The following SAMD12 variants were observed in gnomAD, a reference collection of about 807,000 sequenced individuals.
SAMD12 encodes the protein sterile alpha motif domain-containing protein 12.
SAMD12 carries 9 observed loss-of-function variants against 15.0 expected under a neutral mutation model. That is an observed-to-expected ratio of 0.60 (90% CI 0.36 to 1.05). The LOEUF (loss-of-function observed/expected upper bound fraction) is 1.05, where lower values mean the gene tolerates loss of function less well. Ranked by LOEUF, SAMD12 falls within the 50% of genes least tolerant of loss-of-function variation. The probability of loss-of-function intolerance (pLI) is 0.01; values close to 1 mark genes in which losing one functional copy is unlikely to be tolerated. For missense variants in SAMD12, 230 were observed against 234.2 expected (o/e 0.98, Z 0.12); for synonymous variants, 86 against 90.1 (o/e 0.96, Z 0.25).
chr8:118,163,837 T>C, the SAMD12 span, among the ~76,000 whole-genome samples: 1 of 151,416 alleles, frequency 6.6e-6, no homozygotes, highest in Non-Finnish European at 1.5e-5. Context: ...ATCGCGCCAC[T>C]GCCCTCCAGC....
At chr8:118,485,118 T>G (rs1824240587) in intron 2 of SAMD12, among the ~76,000 whole-genome samples, 2 of 152,192 alleles carry the variant, frequency 1.3e-5, no homozygotes, top group African/African-American at 4.8e-5. Flanking sequence ...TAGCATAAAT[T>G]TTATTATACA....
At chr8:118,351,802 TGAA>T (rs1383881036) in intron 4 of SAMD12, among the ~76,000 whole-genome samples, 2 of 152,110 alleles carry the variant, frequency 1.3e-5, no homozygotes, top group Non-Finnish European at 2.9e-5. Context: ...GTCTAAAAAA[TGAA>T]GAAGTAGACT....
chr8:118,562,518 C>G (rs939805368), intron 2 of SAMD12, among the ~76,000 whole-genome samples: 1 of 151,942 alleles, frequency 6.6e-6, no homozygotes, highest in Non-Finnish European at 1.5e-5. Context: ...AGTGCACTTC[C>G]AAAAACAAAC....
intron 4 of SAMD12, among the ~76,000 whole-genome samples, chr8:118,229,288 AAAT>A (rs1812254903): frequency 6.6e-6 from 1 of 151,908 alleles, no homozygotes; most frequent in African/African-American, 2.4e-5. Context: ...TGTAAAAATA[AAAT>A]AATAAAAATT....
intron 2 of SAMD12, among the ~76,000 whole-genome samples, chr8:118,479,546 C>T (rs892030566): frequency 9.2e-5 from 14 of 152,134 alleles, no homozygotes; most frequent in African/African-American, 2.7e-4. Context: ...TATCTCCCAC[C>T]GGGTCCCTCC....
intron 2 of SAMD12, among the ~76,000 whole-genome samples, chr8:118,572,118 G>T (rs1827027962): frequency 6.6e-6 from 1 of 152,240 alleles, no homozygotes; most frequent in Non-Finnish European, 1.5e-5. Context: ...GAGATATGGA[G>T]TCAAAGGAGA....
rs961677496 is a variant in SAMD12 at position 118,379,018 on chromosome 8, A to G, written c.*399T>C. The G allele has an allele frequency of 1.1e-5, 11 of 1,002,544 alleles. No individual in the cohort carries two copies. The African/African-American group carries it at 1.9e-4, about 17-fold the overall frequency. The allele number at this position is 1,002,544 out of a possible 1,614,324, so 62.1% of individuals were successfully genotyped here. ...CTTACAATCTCTAAAGTGTGTGTGT[A>G]TAATACATTCATGTATAGTAATACA... On this transcript the variant is annotated 3_prime_UTR_variant, in exon 4 of 4. Transcript: ENST00000314727.
intron 2 of SAMD12, among the ~76,000 whole-genome samples, chr8:118,469,556 A>AATATATAATATATATTATATATATT (rs1563879384): frequency 3.6e-4 from 1 of 2,802 alleles, no homozygotes; most frequent in East Asian, 6.8e-3. Flanking sequence ...TATTATATAT[A>AATATATAATATATATTATATATATT]ATATATTATA....
At chr8:118,207,745 A>C (rs1819902462) in intron 4 of SAMD12, among the ~76,000 whole-genome samples, 1 of 151,870 alleles carries the variant, frequency 6.6e-6, no homozygotes, top group Non-Finnish European at 1.5e-5. Flanking sequence ...TTTGCTTTAA[A>C]CTTATTTTAA....
At chr8:118,354,360 T>A (rs773783927) in intron 4 of SAMD12, among the ~76,000 whole-genome samples, 45 of 152,218 alleles carry the variant, frequency 3.0e-4, no homozygotes, top group Non-Finnish European at 2.9e-4. Flanking sequence ...TCTCTCATCT[T>A]GTTTCCCTCA....
chr8:118,217,357 T>C (rs1331222876), intron 4 of SAMD12, among the ~76,000 whole-genome samples: 2 of 152,120 alleles, frequency 1.3e-5, no homozygotes, highest in Non-Finnish European at 2.9e-5. Flanking sequence ...TTTTACCAGA[T>C]CAGTATCCCT....
At chr8:118,525,508 C>T (rs1341247851) in intron 2 of SAMD12, among the ~76,000 whole-genome samples, 1 of 152,176 alleles carries the variant, frequency 6.6e-6, no homozygotes, top group East Asian at 1.9e-4. Flanking sequence ...GTGTCTGGCC[C>T]ATCATAGAAG....
intron 2 of SAMD12, among the ~76,000 whole-genome samples, chr8:118,512,270 C>G (rs912716730): frequency 2.0e-5 from 3 of 152,066 alleles, no homozygotes; most frequent in African/African-American, 7.2e-5. Flanking sequence ...AGAGATAGCA[C>G]CAGAAAGTAA....
intron 2 of SAMD12, among the ~76,000 whole-genome samples, chr8:118,492,814 T>A (rs1008448684): frequency 2.6e-5 from 4 of 152,210 alleles, no homozygotes; most frequent in Non-Finnish European, 4.4e-5. Flanking sequence ...ATATAAACCA[T>A]ATATGAAAGC....
At chr8:118,306,923 C>T (rs10481066) in intron 4 of SAMD12, among the ~76,000 whole-genome samples, 3,854 of 152,250 alleles carry the variant, frequency 0.025, 65 homozygotes, top group Middle Eastern at 0.041. Flanking sequence ...AAGCTTTATT[C>T]CTTTTAAGAG....
At chr8:118,391,242 GAAGTC>G (rs971733552) in intron 3 of SAMD12, among the ~76,000 whole-genome samples, 2 of 152,202 alleles carry the variant, frequency 1.3e-5, no homozygotes, top group African/African-American at 4.8e-5. Flanking sequence ...TTCAAGCAAA[GAAGTC>G]TAGTACCAAC....
intron 2 of SAMD12, among the ~76,000 whole-genome samples, chr8:118,579,451 T>A (rs1827230089): frequency 1.3e-5 from 2 of 152,174 alleles, no homozygotes; most frequent in Non-Finnish European, 2.9e-5. Flanking sequence ...AGCTAAAATG[T>A]CTAGCGTAAA....
chr8:118,186,555 A>ATTT (rs5894417), downstream of SAMD12, among the ~76,000 whole-genome samples: 10,740 of 146,688 alleles, frequency 0.073, 1,088 homozygotes, highest in African/African-American at 0.23. Context: ...GTTACCCTCC[A>ATTT]TTTTTTTTTT....
chr8:118,505,103 C>T (rs1320605905), intron 2 of SAMD12, among the ~76,000 whole-genome samples: 2 of 152,238 alleles, frequency 1.3e-5, no homozygotes, highest in African/African-American at 4.8e-5. Flanking sequence ...AAAACTTATA[C>T]AAAGGCATAC....
Sources: allele counts gnomAD v4.1 joint callset (sites outside exome capture counted in the v4.1 genomes callset), GRCh38; gene constraint gnomAD v4.1.1; transcripts MANE v1.5; gene names NCBI Gene and HGNC (gene_info 2026-07-23, HGNC 2026-07-21).